The following RHBDF2 variants were observed in gnomAD, a reference collection of about 807,000 sequenced individuals.
The protein encoded by RHBDF2 is inactive rhomboid protein 2.
In RHBDF2, 38 loss-of-function variants were observed where a neutral mutation model predicts 95.2. The ratio of observed to expected loss-of-function variants is 0.40; its 90% CI spans 0.31 to 0.52. The LOEUF is 0.52. RHBDF2 is among the 20% of genes least tolerant of loss of function. The pLI, the probability that RHBDF2 is intolerant of heterozygous loss-of-function variation, is 0.56. For missense variants in RHBDF2, 863 were observed against 1,137.7 expected, an observed-to-expected ratio of 0.76 and a Z score of 3.47; for synonymous variants, 442 against 462.0, an observed-to-expected ratio of 0.96 and a Z score of 0.55.
chr17:76,496,135 G>T (rs565959663), intron 1 of RHBDF2, among the ~76,000 whole-genome samples: 14 of 152,290 alleles, frequency 9.2e-5, no homozygotes, highest in African/African-American at 3.4e-4. Context: ...GCTGTGAGAT[G>T]GGTTGATGCC....
intron 1 of RHBDF2, among the ~76,000 whole-genome samples, chr17:76,491,320 C>G (rs1221258424): frequency 6.6e-6 from 1 of 152,252 alleles, no homozygotes. Context: ...GCTGAGACCC[C>G]TGCCCAGGAT....
intron 13 of RHBDF2, 43 bp downstream of exon 13, chr17:76,473,990 G>C (rs750650784): frequency 9.4e-6 from 15 of 1,603,796 alleles, no homozygotes; most frequent in Non-Finnish European, 1.3e-5. Context: ...AGATGGCATG[G>C]CTATGCCTGA....
chr17:76,481,302 T>A (rs1219558613), intron 3 of RHBDF2, 73 bp downstream of exon 3: 1 of 1,516,232 alleles, frequency 6.6e-7, no homozygotes, highest in Non-Finnish European at 8.9e-7. Flanking sequence ...GAAGTGAAAC[T>A]GACCAGAAAG....
intron 6 of RHBDF2, 113 bp downstream of exon 6, chr17:76,478,693 C>G (rs535217654): frequency 1.1e-6 from 1 of 909,750 alleles, no homozygotes; most frequent in Non-Finnish European, 1.6e-6. Flanking sequence ...TCCTTGGCAC[C>G]GTAGGCAGAT....
Position 76,499,525 on chromosome 17 carries a change from C to T in RHBDF2, c.-220+1828G>A, listed in dbSNP as rs114189036. Among the ~76,000 whole-genome samples, 995 of 152,308 alleles carry T rather than the reference C, an allele frequency of 6.5e-3. 9 individuals are homozygous for T. Among genetic ancestry groups the T allele is most frequent in the African/African-American group, 0.022 (914 of 41,562 alleles). ...CAGCTAACACCATGGGCAGGGGTGC[C>T]TCCACCCCATCAGCAGCTGGGCCCA... is the stretch of plus-strand genomic sequence containing the variant. On this transcript the variant is annotated intron_variant, in intron 1 of 18. Coordinates refer to ENST00000675367, the MANE Select transcript of RHBDF2 (RefSeq NM_001005498.4).
Position 76,489,002 on chromosome 17 carries a change from T to C in RHBDF2, c.-219-1093A>G, listed in dbSNP as rs560653223. Among the ~76,000 whole-genome samples the C allele has an allele frequency of 6.6e-5, 10 of 151,986 alleles. No homozygotes were observed. In the East Asian group the frequency reaches 1.8e-3, roughly 27 times the overall value. Reference sequence around the variant, plus strand: ...AATAATTAGCTGGGTGTGGTGGGCCTGTAATCCCAGCTACTCGGGAGGCTG... The same window carrying C: ...AATAATTAGCTGGGTGTGGTGGGCCCGTAATCCCAGCTACTCGGGAGGCTG... On this transcript the variant is annotated intron_variant, in intron 1 of 18. Coordinates refer to ENST00000675367, the MANE Select transcript of RHBDF2 (RefSeq NM_001005498.4).
Position 76,479,787 on chromosome 17 carries a change from G to A in RHBDF2, c.218C>T (p.Ser73Leu). Reference protein sequence around the residue: ...QEPRSRWQESSEKRPGFRRQA... With the variant: ...QEPRSRWQESLEKRPGFRRQA... ...GCGGCGGAAGCCAGGGCGCTTCTCT[G>A]AACTCTCCTGCCATCGGCTGCGTGG... is the stretch of plus-strand genomic sequence containing the variant. The change falls in exon 4 of 19, where the codon TCA becomes TTA. Residue 73 changes from serine to leucine, a missense_variant. Ser to Leu is a moderately radical substitution (Grantham distance 145). Around this residue, in one of 2 missense-constraint regions of RHBDF2, gnomAD observed 611 missense variants for 725.5 expected, o/e 0.84. Transcript: ENST00000675367. 1 of 1,613,254 alleles carries A rather than the reference G, an allele frequency of 6.2e-7. No individual in the cohort carries two copies. Among genetic ancestry groups the A allele is most frequent in the East Asian group, 2.2e-5 (1 of 44,820 alleles).
intron 1 of RHBDF2, among the ~76,000 whole-genome samples, chr17:76,499,060 A>G (rs1193749002): frequency 6.6e-6 from 1 of 152,138 alleles, no homozygotes; most frequent in African/African-American, 2.4e-5. Context: ...AGAGGCTCAC[A>G]GCAATGGAGG....
Position 76,479,289 on chromosome 17 carries a change from G to C in RHBDF2, c.273-12C>G, listed in dbSNP as rs771063235. ...ACTGGGCTGCGCCCCTGCGGAAGCA[G>C]ACAAGGGACAGGTGGGCATACGCTT... On this transcript the variant is annotated splice_polypyrimidine_tract_variant and intron_variant, in intron 4 of 18. Coordinates refer to ENST00000675367, the MANE Select transcript of RHBDF2 (RefSeq NM_001005498.4). 2 of 1,586,978 alleles carry C rather than the reference G, an allele frequency of 1.3e-6. No homozygotes were observed. Among genetic ancestry groups the C allele is most frequent in the South Asian group, 2.2e-5 (2 of 89,610 alleles).
At position 76,478,984 on chromosome 17, in the gene RHBDF2, C is replaced by T. The variant is rs369354024; in HGVS notation, c.494G>A (p.Arg165Gln). The change falls in exon 6 of 19, where the codon CGG (arginine) becomes CAG (glutamine). Residue 165 changes from arginine to glutamine, a missense_variant. Coordinates refer to ENST00000675367, the MANE Select transcript of RHBDF2 (RefSeq NM_001005498.4). ...PKIVDPLARG[R>Q]AFRHPEEMDR... ...CATCTCCTCCGGGTGGCGGAAGGCC[C>T]GGCCCCGGGCCAGCGGATCCACAAT... 2 of 1,594,988 alleles carry T rather than the reference C, an allele frequency of 1.3e-6. No individual in the cohort carries two copies. The highest frequency in any genetic ancestry group is 1.7e-6 in the Non-Finnish European group (2 of 1,168,736).
At position 76,472,835 on chromosome 17, in the gene RHBDF2, C is replaced by T. The variant is rs1251507720; in HGVS notation, c.1915G>A (p.Val639Met). ...WLSLFLHAGV[V>M]HCLVSVVFQM... ...AAGACCACAGACACGAGGCAGTGCA[C>T]CACGCTGGGGGAGGGACACACCAGG... Residue 639 changes from valine (V) to methionine (M), a missense_variant, in exon 18 of 19, where the codon GTG becomes ATG. By Grantham distance (21) the Val-to-Met change is conservative (BLOSUM62 1). Around this residue, in one of 2 missense-constraint regions of RHBDF2, gnomAD observed 252 missense variants for 412.2 expected, o/e 0.61. Transcript: ENST00000675367. 6.3e-7 allele frequency: 1 copy of T among 1,589,784 alleles called. No homozygotes were observed. The highest frequency in any genetic ancestry group is 8.6e-7 in the Non-Finnish European group (1 of 1,167,864).
At chr17:76,496,720 C>T (rs2074433754) in intron 1 of RHBDF2, among the ~76,000 whole-genome samples, 1 of 152,196 alleles carries the variant, frequency 6.6e-6, no homozygotes, top group Admixed American at 6.5e-5. Context: ...CCACTCCAAA[C>T]CCCACAGCAG....
chr17:76,485,858 A>T (rs778853300), intron 2 of RHBDF2, among the ~76,000 whole-genome samples: 3 of 152,210 alleles, frequency 2.0e-5, no homozygotes, highest in Non-Finnish European at 4.4e-5. Flanking sequence ...GACAGGAGCC[A>T]GTCACGATGG....
intron 1 of RHBDF2, among the ~76,000 whole-genome samples, chr17:76,489,612 C>T (rs955470710): frequency 3.3e-5 from 5 of 152,194 alleles, no homozygotes; most frequent in Non-Finnish European, 2.9e-5. Flanking sequence ...CGTGAGCCAC[C>T]GCGCCCAGCC....
rs562149591 is a variant in RHBDF2 at position 76,499,513 on chromosome 17, G to A, written c.-220+1840C>T. Among the ~76,000 whole-genome samples the A allele has an allele frequency of 8.5e-5, 13 of 152,286 alleles. No individual in the cohort carries two copies. The East Asian group carries it at 2.5e-3, about 29-fold the overall frequency. The stretch of plus-strand genomic sequence containing the variant: ...CTCACCTCTGCTCAGCTAACACCAT[G>A]GGCAGGGGTGCCTCCACCCCATCAG... On this transcript the variant is annotated intron_variant, in intron 1 of 18. Coordinates refer to ENST00000675367, the MANE Select transcript of RHBDF2 (RefSeq NM_001005498.4).
At chr17:76,472,973 G>A (rs1165181309) in intron 17 of RHBDF2, 32 bp downstream of exon 17, 6 of 1,607,986 alleles carry the variant, frequency 3.7e-6, no homozygotes, top group Middle Eastern at 1.7e-4. Flanking sequence ...CATCACAGGG[G>A]TCGGGTTCGG....
intron 1 of RHBDF2, among the ~76,000 whole-genome samples, chr17:76,496,454 C>CTGGT (rs1159962376): frequency 2.6e-5 from 4 of 152,214 alleles, no homozygotes; most frequent in Non-Finnish European, 4.4e-5. Context: ...CACCCTGGAA[C>CTGGT]TGGTGAGGGG....
At chr17:76,490,381 G>A (rs1165020082) in intron 1 of RHBDF2, among the ~76,000 whole-genome samples, 3 of 152,124 alleles carry the variant, frequency 2.0e-5, no homozygotes, top group Non-Finnish European at 2.9e-5. Flanking sequence ...CAGCCACACC[G>A]GGACCCCACT....
chr17:76,496,412 G>A (rs972072483), intron 1 of RHBDF2, among the ~76,000 whole-genome samples: 1 of 152,208 alleles, frequency 6.6e-6, no homozygotes, highest in Non-Finnish European at 1.5e-5. Context: ...AGGGTCCCGC[G>A]CTCTTAACCT....
Sources: allele counts gnomAD v4.1 joint callset (sites outside exome capture counted in the v4.1 genomes callset), GRCh38; gene constraint gnomAD v4.1.1; regional missense constraint gnomAD v4.1.1; transcripts MANE v1.5; gene names NCBI Gene and HGNC (gene_info 2026-07-23, HGNC 2026-07-21).